The following ZWILCH variants were observed in gnomAD, a reference collection of about 807,000 sequenced individuals.
The protein encoded by ZWILCH is protein zwilch homolog.
Under a neutral mutation model 79.9 loss-of-function variants are expected in ZWILCH, and 74 were observed. The ratio of observed to expected loss-of-function variants is 0.93; its 90% CI spans 0.77 to 1.12. ZWILCH has a LOEUF of 1.12. Ranked by LOEUF, ZWILCH falls within the 50% of genes most tolerant of loss-of-function variation. The pLI is 0.00. For missense variants in ZWILCH, 694 were observed against 687.5 expected, an observed-to-expected ratio of 1.01 and a Z score of -0.11; for synonymous variants, 241 against 228.2, an observed-to-expected ratio of 1.06 and a Z score of -0.51.
In ZWILCH at chr15:66,527,871, G is replaced by T. The variant is rs760277549; in HGVS notation, c.928G>T (p.Asp310Tyr). The T allele has an allele frequency of 6.3e-7, 1 of 1,599,712 alleles. No individual in the cohort carries two copies. The highest frequency in any genetic ancestry group is 2.3e-5 in the East Asian group (1 of 43,690). Reference protein sequence around the residue: ...QEFLNDLNKLDGFGDSTKKDT... With the variant: ...QEFLNDLNKLYGFGDSTKKDT... Reference sequence around the variant, plus strand: ...CCACTTTCTAGACTTAAATAAGCTGGATGGATTTGGTGATTCTACAAAAAA... The same window carrying T: ...CCACTTTCTAGACTTAAATAAGCTGTATGGATTTGGTGATTCTACAAAAAA... The change falls in exon 10 of 19, where the codon GAT becomes TAT. Residue 310 changes from aspartate to tyrosine, a missense_variant. Asp to Tyr is a radical substitution (Grantham distance 160, BLOSUM62 -3). Transcript: ENST00000307897.
In ZWILCH at chr15:66,540,176, C is replaced by G. The variant is rs1005454290; in HGVS notation, c.1653C>G (p.Ser551Arg). 12 of 1,613,294 alleles carry G rather than the reference C, an allele frequency of 7.4e-6. No individual in the cohort carries two copies. In the African/African-American group the frequency reaches 1.5e-4, roughly 20 times the overall value. The stretch of plus-strand genomic sequence containing the variant: ...AGACAGTTTGGCAACTGAGTGACAG[C>G]TCACCCATAGACCATCTGAATTTTC... ...KIKTVWQLSD[S>R]SPIDHLNFHK... Residue 551 changes from serine to arginine, a missense_variant, in exon 17 of 19, where the codon AGC becomes AGG. Ser to Arg is a moderately radical substitution (Grantham distance 110). Coordinates refer to ENST00000307897, the MANE Select transcript of ZWILCH (RefSeq NM_017975.5).
In ZWILCH at chr15:66,538,098, T is replaced by A. The variant is rs191536695; in HGVS notation, c.1574+835T>A. Among the ~76,000 whole-genome samples, 5 of 152,314 alleles carry A rather than the reference T, an allele frequency of 3.3e-5. No individual in the cohort carries two copies. The East Asian group carries it at 9.6e-4, about 29-fold the overall frequency. ...TGAGGCTGAGATGATAGATTGTTCA[T>A]CCACATGGACACTGAGGTTGCCTCC... On this transcript the variant is annotated intron_variant, in intron 16 of 18. Transcript: ENST00000307897.
chr15:66,519,733 C>T (rs914714443), intron 5 of ZWILCH, among the ~76,000 whole-genome samples: 1 of 152,218 alleles, frequency 6.6e-6, no homozygotes, highest in Admixed American at 6.5e-5. Context: ...ATCCACCCCC[C>T]TCGGCCTCCC....
intron 16 of ZWILCH, among the ~76,000 whole-genome samples, chr15:66,538,807 G>T (rs1050016778): frequency 6.6e-6 from 1 of 152,140 alleles, no homozygotes; most frequent in Non-Finnish European, 1.5e-5. Context: ...CCATCTGAAA[G>T]GCTGAGAACA....
Position 66,523,761 on chromosome 15 carries a change from C to G in ZWILCH, c.819+13C>G. 6.3e-7 allele frequency: 1 copy of G among 1,579,956 alleles called. No individual in the cohort carries two copies. The highest frequency in any genetic ancestry group is 8.7e-7 in the Non-Finnish European group (1 of 1,152,522). On this transcript the variant is annotated intron_variant, in intron 8 of 18. Transcript: ENST00000307897. ...GAAATTTCTTCTTGTGAGTATCCTT[C>G]TAGAATTCCTTTCCTTAAATCTATG...
chr15:66,521,040 C>G lies in ZWILCH; in HGVS notation c.592-10C>G. Reference sequence around the variant, plus strand: ...ACAGCTAAATGATCTGCTGGGTACACTCTTTTCAGGTAACATCCAAAGGCT... The same window carrying G: ...ACAGCTAAATGATCTGCTGGGTACAGTCTTTTCAGGTAACATCCAAAGGCT... On this transcript the variant is annotated splice_polypyrimidine_tract_variant and intron_variant, in intron 6 of 18. Transcript: ENST00000307897. The G allele has an allele frequency of 1.2e-6, 2 of 1,613,846 alleles. No individual in the cohort carries two copies. The highest frequency in any genetic ancestry group is 2.2e-5 in the South Asian group (2 of 91,038).
intron 4 of ZWILCH, among the ~76,000 whole-genome samples, chr15:66,518,642 G>A (rs1024465823): frequency 3.3e-5 from 5 of 152,170 alleles, no homozygotes; most frequent in African/African-American, 1.2e-4. Context: ...GCAAGACTCT[G>A]TCTCTACAAA....
chr15:66,529,552 A>T lies in ZWILCH; in HGVS notation c.1134A>T (p.Gln378His). 1.9e-6 allele frequency: 3 copies of T among 1,613,892 alleles called. No individual in the cohort carries two copies. In the East Asian group the frequency reaches 6.7e-5, roughly 36 times the overall value. The change falls in exon 12 of 19, where the codon CAA becomes CAT. Residue 378 changes from glutamine (Q) to histidine (H), a missense_variant. Gln to His is a conservative substitution (Grantham distance 24). Coordinates refer to ENST00000307897, the MANE Select transcript of ZWILCH (RefSeq NM_017975.5). ...KCFTLIIQSL[Q>H]RGDIQPWLHS... ...TCACATTGATCATCCAGAGTCTACAACGTGGTGATATACAGCCATGGGTAG... is the reference window on the plus strand; with the variant it reads ...TCACATTGATCATCCAGAGTCTACATCGTGGTGATATACAGCCATGGGTAG...
At position 66,505,326 on chromosome 15, in the gene ZWILCH, A is replaced by C; in HGVS notation, c.-13A>C. On this transcript the variant is annotated 5_prime_UTR_variant, in exon 1 of 19. Transcript: ENST00000307897. ...GTTTGGCGGTTCCGGTACCGCTCTC[A>C]CATTGGGGCGGGATGTGGGAGCGGC... The C allele has an allele frequency of 6.2e-7, 1 of 1,613,318 alleles. No individual in the cohort carries two copies. The highest frequency in any genetic ancestry group is 1.3e-5 in the African/African-American group (1 of 75,030).
rs766712400 is a variant in ZWILCH at position 66,505,386 on chromosome 15, C to G, written c.48C>G (p.Leu16=). The part of the protein sequence containing the change: ...NCAAEDFYSR[L]LQKFNEEKKG... ...CAGCAGAGGACTTTTATTCTCGTCT[C>G]CTTCAGTGAGTCTAGTCTCTTCTTT... is the stretch of plus-strand genomic sequence containing the variant. Residue 16 remains leucine, a synonymous_variant, in exon 1 of 19, where the codon CTC becomes CTG. Transcript: ENST00000307897. 5.0e-6 allele frequency: 8 copies of G among 1,614,116 alleles called. No individual in the cohort carries two copies. In the East Asian group the frequency reaches 1.8e-4, roughly 36 times the overall value.
chr15:66,523,637 A>G, intron 7 of ZWILCH, 40 bp from the exon 8 acceptor site: 2 of 1,338,690 alleles, frequency 1.5e-6, no homozygotes, highest in African/African-American at 1.4e-5. Context: ...AGAAGGTAGG[A>G]TTAGCACTAG....
intron 17 of ZWILCH, among the ~76,000 whole-genome samples, chr15:66,544,724 T>TTTTTTTTTTTTGTGTGTG (rs145952622): frequency 3.9e-5 from 5 of 128,540 alleles, no homozygotes; most frequent in East Asian, 4.9e-4. Context: ...TTTTTGGTTT[T>TTTTTTTTTTTTGTGTGTG]TGTGTGTGTG....
intron 16 of ZWILCH, 80 bp downstream of exon 16, chr15:66,537,343 A>C (rs1895047613): frequency 2.9e-6 from 3 of 1,050,156 alleles, no homozygotes; most frequent in Admixed American, 1.9e-5. Flanking sequence ...GGATAACTTG[A>C]GCTCAGGAGT....
At chr15:66,534,182 CTTT>C (rs148254176) in intron 14 of ZWILCH, among the ~76,000 whole-genome samples, 1 of 151,944 alleles carries the variant, frequency 6.6e-6, no homozygotes, top group African/African-American at 2.4e-5. Context: ...TCATTATTCT[CTTT>C]TTTTTCTTGT....
chr15:66,522,378 G>C (rs1043364835), intron 7 of ZWILCH, among the ~76,000 whole-genome samples: 3 of 148,782 alleles, frequency 2.0e-5, no homozygotes, highest in African/African-American at 7.5e-5. Context: ...CTGTCTGCCA[G>C]GCTGGAGTGC....
At chr15:66,515,089 A>G (rs1035115626) in intron 3 of ZWILCH, among the ~76,000 whole-genome samples, 2 of 151,472 alleles carry the variant, frequency 1.3e-5, no homozygotes, top group South Asian at 2.1e-4. Flanking sequence ...CCACAGGTGC[A>G]TGCCACCACC....
At chr15:66,517,402 TTG>T (rs1425583318) in intron 4 of ZWILCH, among the ~76,000 whole-genome samples, 6 of 68,758 alleles carry the variant, frequency 8.7e-5, no homozygotes, top group African/African-American at 3.4e-4. Context: ...CCTATAGATT[TTG>T]TGTTTGTGTG....
intron 2 of ZWILCH, among the ~76,000 whole-genome samples, chr15:66,510,689 A>T (rs894549506): frequency 2.0e-5 from 3 of 152,196 alleles, no homozygotes; most frequent in African/African-American, 7.2e-5. Flanking sequence ...AAATTCTGAA[A>T]TTAAGGTGTC....
chr15:66,546,134 G>C (rs1316005295), intron 17 of ZWILCH, among the ~76,000 whole-genome samples: 1 of 152,186 alleles, frequency 6.6e-6, no homozygotes, highest in East Asian at 1.9e-4. Context: ...CCACAAGGAA[G>C]TGGACATTAT....
Sources: gnomAD v4.1 joint callset for allele counts (sites outside exome capture counted in the v4.1 genomes callset) on GRCh38, gnomAD v4.1.1 for gene constraint, MANE v1.5 for transcripts, NCBI Gene and HGNC (gene_info 2026-07-23, HGNC 2026-07-21) for gene names.